KSR2: variants seen among roughly 807,000 people sequenced by gnomAD.
KSR2 encodes kinase suppressor of ras 2.
A neutral mutation model predicts 107.8 loss-of-function variants in KSR2; 25 were observed. The ratio of observed to expected loss-of-function variants is 0.23; its 90% CI spans 0.17 to 0.32. The LOEUF (loss-of-function observed/expected upper bound fraction) is 0.32, where lower values mean the gene tolerates loss of function less well. Ranked by LOEUF, KSR2 falls within the 10% of genes least tolerant of loss-of-function variation. KSR2 has a pLI of 1.00. For synonymous variants in KSR2, 480 were observed against 507.0 expected, an observed-to-expected ratio of 0.95 and a Z score of 0.71; for missense variants, 887 against 1,268.9, an observed-to-expected ratio of 0.70 and a Z score of 4.57.
At chr12:117,469,550 C>T (rs1871316595) in intron 19 of KSR2, 112 bp downstream of exon 19, 3 of 1,289,378 alleles carry the variant, frequency 2.3e-6, no homozygotes, top group East Asian at 5.1e-5. Context: ...AGGGTGGGCA[C>T]ATGGATAGGA....
rs944529857 is a variant in KSR2 at position 117,525,123 on chromosome 12, T to G, written c.1948A>C (p.Ser650Arg). The G allele has an allele frequency of 2.5e-6, 4 of 1,613,888 alleles. No individual in the cohort carries two copies. Among genetic ancestry groups the G allele is most frequent in the Non-Finnish European group, 3.4e-6 (4 of 1,179,884 alleles). ...LSARSFPRKA[S>R]QTSIFLQEWD... ...TCCTGAAGGAAGATGCTGGTCTGGC[T>G]GGCCTTGCGTGGGAAGCTCCGGGCC... The change falls in exon 14 of 20, where the codon AGC (serine) becomes CGC (arginine). Residue 650 changes from serine to arginine, a missense_variant. Around this residue, in one of 8 missense-constraint regions of KSR2, gnomAD observed 308 missense variants for 506.2 expected, o/e 0.61. Transcript: ENST00000339824.
At chr12:117,691,565 G>T (rs1408945068) in intron 4 of KSR2, among the ~76,000 whole-genome samples, 1 of 152,220 alleles carries the variant, frequency 6.6e-6, no homozygotes, top group African/African-American at 2.4e-5. Flanking sequence ...GCCCACTGAA[G>T]GCCATGCCGG....
In KSR2 at chr12:117,847,782, T is replaced by C. The variant is rs561980463; in HGVS notation, c.472+7646A>G. On this transcript the variant is annotated intron_variant, in intron 3 of 19. Transcript: ENST00000339824. ...CATACTGTTCTCTCTGTGCCTGGGA[T>C]GCTCCCCTCCCTCCCGTCCCAAGGC... Among the ~76,000 whole-genome samples the C allele has an allele frequency of 2.2e-3, 337 of 152,240 alleles. 3 individuals are homozygous for C. The highest frequency in any genetic ancestry group is 3.5e-3 in the Admixed American group (53 of 15,290).
chr12:117,526,003 G>A (rs573709197), intron 13 of KSR2, among the ~76,000 whole-genome samples: 1 of 152,236 alleles, frequency 6.6e-6, no homozygotes, highest in African/African-American at 2.4e-5. Context: ...GTAAAGTGGG[G>A]GTAATAAAAT....
In KSR2 at chr12:117,752,056, C is replaced by T. The variant is rs891735884; in HGVS notation, c.986+8955G>A. 2.6e-5 allele frequency among the ~76,000 whole-genome samples: 4 copies of T among 152,156 alleles called. No individual in the cohort carries two copies. In the South Asian group the frequency reaches 6.2e-4, roughly 24 times the overall value. ...GTTTTCTAAAACAGACAAAAATATA[C>T]CTCCTGAAATCTTATTTACATAATG... On this transcript the variant is annotated intron_variant, in intron 4 of 19. Transcript: ENST00000339824.
intron 1 of KSR2, among the ~76,000 whole-genome samples, chr12:117,964,500 G>A (rs73408410): frequency 0.017 from 2,563 of 152,190 alleles, 81 homozygotes; most frequent in African/African-American, 0.058. Flanking sequence ...ACAGATTTAG[G>A]GTTCTACAGA....
chr12:117,963,915 C>G (rs1593410443), intron 1 of KSR2, among the ~76,000 whole-genome samples: 1 of 152,156 alleles, frequency 6.6e-6, no homozygotes, highest in East Asian at 1.9e-4. Flanking sequence ...ACTCCAAATC[C>G]CCATCTCCCC....
rs112311469 is a variant in KSR2 at position 117,682,588 on chromosome 12, T to C, written c.987-14930A>G. Among the ~76,000 whole-genome samples the C allele has an allele frequency of 2.0e-3, 301 of 152,072 alleles. 4 individuals are homozygous for C. The East Asian group carries it at 0.02, about 10-fold the overall frequency. The stretch of plus-strand genomic sequence containing the variant: ...GCGCACCACCACACCAGGGCTAATT[T>C]TTCATATTTTTAGTGAGACGGGGTT... On this transcript the variant is annotated intron_variant, in intron 4 of 19. Transcript: ENST00000339824.
Position 117,806,059 on chromosome 12 carries a change from A to G in KSR2, c.473-44535T>C, listed in dbSNP as rs182812641. On this transcript the variant is annotated intron_variant, in intron 3 of 19. Transcript: ENST00000339824. ...ATCCCAGACCTGCTGCAGCCAAATT[A>G]ATGTAATATGATCCCCAGCTGAGGC... is the stretch of plus-strand genomic sequence containing the variant. Among the ~76,000 whole-genome samples the G allele has an allele frequency of 8.5e-5, 13 of 152,306 alleles. No homozygotes were observed. In the East Asian group the frequency reaches 2.5e-3, roughly 29 times the overall value.
chr12:117,474,741 G>T (rs1015490874), intron 17 of KSR2, among the ~76,000 whole-genome samples: 1 of 152,146 alleles, frequency 6.6e-6, no homozygotes, highest in Non-Finnish European at 1.5e-5. Context: ...TGTGGCTGCA[G>T]TTACCTATTT....
chr12:117,779,814 C>A (rs184404512), intron 3 of KSR2, among the ~76,000 whole-genome samples: 1 of 152,316 alleles, frequency 6.6e-6, no homozygotes, highest in Non-Finnish European at 1.5e-5. Flanking sequence ...CAATTAAACT[C>A]TTTCCTTTAT....
intron 3 of KSR2, among the ~76,000 whole-genome samples, chr12:117,788,948 C>T (rs931131955): frequency 2.0e-5 from 3 of 152,154 alleles, no homozygotes; most frequent in Admixed American, 6.5e-5. Flanking sequence ...ATCTGAATTC[C>T]CTGGAGAGCT....
intron 1 of KSR2, among the ~76,000 whole-genome samples, chr12:117,914,426 C>CA (rs34534591): frequency 0.056 from 5,939 of 106,120 alleles, 186 homozygotes; most frequent in East Asian, 0.2. Flanking sequence ...GAGACTGTCT[C>CA]AAAAAAAAAA....
chr12:117,577,075 C>T (rs566659272), intron 7 of KSR2, among the ~76,000 whole-genome samples: 1 of 152,154 alleles, frequency 6.6e-6, no homozygotes, highest in South Asian at 2.1e-4. Context: ...AGGGGTGGGG[C>T]AGAGTGGGTA....
chr12:117,688,131 G>A (rs530553353), intron 4 of KSR2, among the ~76,000 whole-genome samples: 1 of 152,320 alleles, frequency 6.6e-6, no homozygotes, highest in South Asian at 2.1e-4. Context: ...TGTAATCCCA[G>A]CACTTTGGGA....
At chr12:117,831,466 G>A (rs1053409286) in intron 3 of KSR2, among the ~76,000 whole-genome samples, 1 of 152,194 alleles carries the variant, frequency 6.6e-6, no homozygotes, top group African/African-American at 2.4e-5. Context: ...GGGCAGGAAC[G>A]CCAGGCACTT....
intron 1 of KSR2, among the ~76,000 whole-genome samples, chr12:117,899,170 G>A (rs1312009445): frequency 3.3e-5 from 5 of 152,090 alleles, no homozygotes; most frequent in African/African-American, 4.8e-5. Context: ...GGATACAACC[G>A]TGAAATAAAC....
Position 117,722,164 on chromosome 12 carries a change from A to G in KSR2, c.986+38847T>C, listed in dbSNP as rs1321228951. On this transcript the variant is annotated intron_variant, in intron 4 of 19. Transcript: ENST00000339824. ...GCTGGGACTACAGTTGCATGCCACT[A>G]CACACTAATTTTAATTCTTTTAAAT... Among the ~76,000 whole-genome samples the G allele has an allele frequency of 2.0e-5, 3 of 152,104 alleles. No homozygotes were observed. In the East Asian group the frequency reaches 5.8e-4, roughly 29 times the overall value.
intron 4 of KSR2, among the ~76,000 whole-genome samples, chr12:117,688,896 T>A (rs1443297340): frequency 6.6e-6 from 1 of 151,922 alleles, no homozygotes; most frequent in East Asian, 1.9e-4. Flanking sequence ...ATTTAGCAGA[T>A]CTCCTTCTTT....
Sources: allele counts gnomAD v4.1 joint callset (sites outside exome capture counted in the v4.1 genomes callset), GRCh38; gene constraint gnomAD v4.1.1; regional missense constraint gnomAD v4.1.1; transcripts MANE v1.5; gene names NCBI Gene and HGNC (gene_info 2026-07-23, HGNC 2026-07-21).